The following PAXBP1 variants were observed in gnomAD, a reference collection of about 807,000 sequenced individuals.
The protein encoded by PAXBP1 is PAX3 and PAX7 binding protein 1.
A neutral mutation model predicts 119.9 loss-of-function variants in PAXBP1; 44 were observed. The ratio of observed to expected loss-of-function variants is 0.37; its 90% CI spans 0.29 to 0.47. The LOEUF (loss-of-function observed/expected upper bound fraction) is 0.47, where lower values mean the gene tolerates loss of function less well. Among genes scored for constraint, PAXBP1 ranks in the 20% least tolerant of loss-of-function variants. PAXBP1 has a pLI of 0.99. For missense variants in PAXBP1, 898 were observed against 1,134.1 expected, an observed-to-expected ratio of 0.79 and a Z score of 2.99; for synonymous variants, 393 against 406.6, an observed-to-expected ratio of 0.97 and a Z score of 0.40.
rs1225307567 is a variant in PAXBP1 at position 32,759,741 on chromosome 21, T to C, written c.1193+36A>G. ...CATGTTGCCTGAGGGAACAGAAAGC[T>C]AGCGGACAGGTCTTTAAGAAGTTGA... On this transcript the variant is annotated intron_variant, in intron 6 of 17. Coordinates refer to ENST00000331923, the MANE Select transcript of PAXBP1 (RefSeq NM_016631.4). The C allele has an allele frequency of 1.9e-6, 3 of 1,545,114 alleles. No homozygotes were observed. In the African/African-American group the frequency reaches 4.1e-5, roughly 21 times the overall value.
At position 32,734,964 on chromosome 21, in the gene PAXBP1, T is replaced by G; in HGVS notation, c.2740A>C (p.Ile914Leu). ...GTCTCATAGATCTATTTTCCTTCGA[T>G]CAAAGACTTAAATTCTTTCACATTG... ...DHNVKEFKSLIEGK is the reference protein window; with the variant it reads ...DHNVKEFKSLLEGK Residue 914 changes from isoleucine to leucine, a missense_variant, in exon 18 of 18, where the codon ATC becomes CTC. By Grantham distance (5) the Ile-to-Leu change is conservative. Around this residue, in one of 2 missense-constraint regions of PAXBP1, gnomAD observed 599 missense variants for 852.7 expected, o/e 0.70. Coordinates refer to ENST00000331923, the MANE Select transcript of PAXBP1 (RefSeq NM_016631.4). 1 of 1,613,432 alleles carries G rather than the reference T, an allele frequency of 6.2e-7. No individual in the cohort carries two copies. The highest frequency in any genetic ancestry group is 8.5e-7 in the Non-Finnish European group (1 of 1,179,494).
At chr21:32,749,815 TCTATAA>T (rs1307649133) in intron 10 of PAXBP1, among the ~76,000 whole-genome samples, 3 of 152,124 alleles carry the variant, frequency 2.0e-5, no homozygotes, top group Non-Finnish European at 4.4e-5. Flanking sequence ...TATAGGACAG[TCTATAA>T]GAGAAGTGGC....
intron 5 of PAXBP1, among the ~76,000 whole-genome samples, chr21:32,760,673 G>A (rs759898114): frequency 3.9e-5 from 6 of 152,224 alleles, no homozygotes; most frequent in Admixed American, 6.5e-5. Flanking sequence ...GTTCAACAAA[G>A]ATTGCTGGCC....
intron 7 of PAXBP1, chr21:32,755,749 A>T (rs893743879): frequency 6.2e-6 from 1 of 161,378 alleles, no homozygotes; most frequent in Non-Finnish European, 1.3e-5. Context: ...TGTAGTTCAA[A>T]GTAAAACATT....
Position 32,748,681 on chromosome 21 carries a change from A to G in PAXBP1, c.1741T>C (p.Ser581Pro). The change falls in exon 11 of 18, where the codon TCC (serine) becomes CCC (proline). Residue 581 changes from serine to proline, a missense_variant. Transcript: ENST00000331923. ...AGGACATCTTCAAAAACTTTGCCGG[A>G]TTCTTTTGAAATTCGATCTAAAAAC... ...NLEKDRISKESGKVFEDVLES... is the reference protein window; with the variant it reads ...NLEKDRISKEPGKVFEDVLES... 6.2e-7 allele frequency: 1 copy of G among 1,610,682 alleles called. No individual in the cohort carries two copies. The highest frequency in any genetic ancestry group is 8.5e-7 in the Non-Finnish European group (1 of 1,178,090).
intron 15 of PAXBP1, among the ~76,000 whole-genome samples, chr21:32,739,127 C>A (rs1259980660): frequency 6.6e-6 from 1 of 152,228 alleles, no homozygotes; most frequent in African/African-American, 2.4e-5. Context: ...TCTAAACCTA[C>A]AGAAAATGAT....
At position 32,746,596 on chromosome 21, in the gene PAXBP1, G is replaced by A. The variant is rs115092516; in HGVS notation, c.1924-878C>T. ...AGAATGGGAATTATTTAAAAGTCCAGAAACAAAAGATGCTGGTAAGGTTTC... is the reference window on the plus strand; with the variant it reads ...AGAATGGGAATTATTTAAAAGTCCAAAAACAAAAGATGCTGGTAAGGTTTC... On this transcript the variant is annotated intron_variant, in intron 11 of 17. Coordinates refer to ENST00000331923, the MANE Select transcript of PAXBP1 (RefSeq NM_016631.4). 5.1e-3 allele frequency among the ~76,000 whole-genome samples: 775 copies of A among 152,256 alleles called. 6 individuals are homozygous for A. Among genetic ancestry groups the A allele is most frequent in the African/African-American group, 0.018 (728 of 41,540 alleles).
At chr21:32,760,017 A>G (rs1314915365) in intron 5 of PAXBP1, 23 bp from the exon 6 acceptor site, 1 of 1,570,496 alleles carries the variant, frequency 6.4e-7, no homozygotes, top group Non-Finnish European at 8.7e-7. Context: ...TGGGATATAG[A>G]TGAAATCTGG....
rs1206685567 is a variant in PAXBP1 at position 32,771,368 on chromosome 21, C to G, written c.301G>C (p.Val101Leu). 1.3e-6 allele frequency: 2 copies of G among 1,584,048 alleles called. No individual in the cohort carries two copies. Among genetic ancestry groups the G allele is most frequent in the African/African-American group, 2.8e-5 (2 of 72,592 alleles). ...PRKRPRENKEVPRASLLSFQD... is the reference protein window; with the variant it reads ...PRKRPRENKELPRASLLSFQD... ...AAGCTGAGCAGGCTGGCCCGGGGCA[C>G]CTCTTTGTTCTCGCGAGGCCTCTTG... The change falls in exon 1 of 18, where the codon GTG (valine) becomes CTG (leucine). Residue 101 changes from valine (V) to leucine (L), a missense_variant. Transcript: ENST00000331923.
rs367715324 is a variant in PAXBP1 at position 32,764,337 on chromosome 21, T to A, written c.649+11A>T. 1.2e-6 allele frequency: 2 copies of A among 1,611,974 alleles called. No homozygotes were observed. Among genetic ancestry groups the A allele is most frequent in the African/African-American group, 2.7e-5 (2 of 74,846 alleles). ...TTAGTTTAGTTCTGAGAAATACTTT[T>A]GAGTACACACCTGGACGAAGAACAT... On this transcript the variant is annotated intron_variant, in intron 3 of 17. Coordinates refer to ENST00000331923, the MANE Select transcript of PAXBP1 (RefSeq NM_016631.4).
At chr21:32,738,765 T>C (rs1025433773) in intron 15 of PAXBP1, among the ~76,000 whole-genome samples, 3 of 152,278 alleles carry the variant, frequency 2.0e-5, no homozygotes, top group East Asian at 1.9e-4. Context: ...ATATCACTTA[T>C]GCATCTCAAG....
intron 12 of PAXBP1, among the ~76,000 whole-genome samples, chr21:32,745,262 T>C (rs1293895820): frequency 6.6e-6 from 1 of 152,236 alleles, no homozygotes; most frequent in Non-Finnish European, 1.5e-5. Flanking sequence ...TATGAAAGCA[T>C]TTTAATTGCT....
rs1290509795 is a variant in PAXBP1, at chr21:32,759,243, T to C, written c.1220A>G (p.Lys407Arg). The C allele has an allele frequency of 4.3e-6, 7 of 1,613,900 alleles. No homozygotes were observed. Among genetic ancestry groups the C allele is most frequent in the Non-Finnish European group, 5.9e-6 (7 of 1,179,918 alleles). Residue 407 changes from lysine to arginine, a missense_variant, in exon 7 of 18, where the codon AAA becomes AGA. Lys to Arg is a conservative substitution (Grantham distance 26, BLOSUM62 2). Transcript: ENST00000331923. ...TTTCTCATGCTGCTGTCGATTTGTTTTGTGCAATTCTTTCATGGAGTCCAA... is the reference window on the plus strand; with the variant it reads ...TTTCTCATGCTGCTGTCGATTTGTTCTGTGCAATTCTTTCATGGAGTCCAA... ...DRLDSMKELH[K>R]TNRQQHEKHL...
At position 32,736,701 on chromosome 21, in the gene PAXBP1, C is replaced by T. The variant is rs569421035; in HGVS notation, c.2636+553G>A. Among the ~76,000 whole-genome samples the T allele has an allele frequency of 6.6e-5, 10 of 152,210 alleles. No individual in the cohort carries two copies. In the South Asian group the frequency reaches 2.1e-3, roughly 32 times the overall value. On this transcript the variant is annotated intron_variant, in intron 17 of 17. Transcript: ENST00000331923. ...TTAAAAAGACAATTCCTTCAAACTG[C>T]CCTACTTAGTGTTATTATTTACTTT... is the stretch of plus-strand genomic sequence containing the variant.
intron 4 of PAXBP1, among the ~76,000 whole-genome samples, chr21:32,761,454 T>C (rs907622844): frequency 6.6e-6 from 1 of 152,220 alleles, no homozygotes; most frequent in African/African-American, 2.4e-5. Context: ...CCTAGGAATA[T>C]AGAACTATAT....
At chr21:32,747,072 G>T (rs374489387) in intron 11 of PAXBP1, among the ~76,000 whole-genome samples, 1 of 147,918 alleles carries the variant, frequency 6.8e-6, no homozygotes, top group East Asian at 2.0e-4. Flanking sequence ...CACACACTGA[G>T]GCCTGTTGGG....
intron 12 of PAXBP1, 132 bp downstream of exon 12, chr21:32,745,442 C>A: frequency 7.6e-7 from 1 of 1,310,868 alleles, no homozygotes; most frequent in East Asian, 2.4e-5. Context: ...CTAGCCATCT[C>A]TGGGCCAGGT....
At position 32,771,268 on chromosome 21, in the gene PAXBP1, G is replaced by C. The variant is rs538106581; in HGVS notation, c.343+58C>G. 6.3e-5 allele frequency: 91 copies of C among 1,453,236 alleles called. No individual in the cohort carries two copies. The African/African-American group carries it at 1.1e-3, about 18-fold the overall frequency. The allele number at this position is 1,453,236 out of a possible 1,614,324, so 90.0% of individuals were successfully genotyped here. ...GCGTCCAGAGAATACGGGGGCGGGG[G>C]ACGGGGGCCTGCGTCGGGGATGCGG... is the stretch of plus-strand genomic sequence containing the variant. On this transcript the variant is annotated intron_variant, in intron 1 of 17. Coordinates refer to ENST00000331923, the MANE Select transcript of PAXBP1 (RefSeq NM_016631.4).
At position 32,771,728 on chromosome 21, in the gene PAXBP1, A is replaced by T. The variant is rs2044363403; in HGVS notation, c.-60T>A. ...CCACACCGCGGCCCCGGCAGCGCCG[A>T]GCTCGTGACGGCGCACGCGCGCTCT... On this transcript the variant is annotated 5_prime_UTR_variant, in exon 1 of 18. Coordinates refer to ENST00000331923, the MANE Select transcript of PAXBP1 (RefSeq NM_016631.4). The T allele has an allele frequency of 7.7e-7, 1 of 1,297,080 alleles. No homozygotes were observed. Among genetic ancestry groups the T allele is most frequent in the South Asian group, 1.9e-5 (1 of 51,748 alleles). The allele number at this position is 1,297,080 out of a possible 1,614,324, so 80.3% of individuals were successfully genotyped here. A position where few individuals can be genotyped will look rare whatever the true frequency, so the allele number is the denominator to read the frequency against.
Sources: allele counts gnomAD v4.1 joint callset (sites outside exome capture counted in the v4.1 genomes callset), GRCh38; gene constraint gnomAD v4.1.1; regional missense constraint gnomAD v4.1.1; transcripts MANE v1.5; gene names NCBI Gene and HGNC (gene_info 2026-07-23, HGNC 2026-07-21).